Variants in SPNS2 observed in about 807,000 individuals in gnomAD.
SPNS2 encodes the protein SPNS lysolipid transporter 2, sphingosine-1-phosphate, also known as sphingosine-1-phosphate transporter SPNS2.
SPNS2 carries 37 observed loss-of-function variants against 57.6 expected under a neutral mutation model. That is an observed-to-expected ratio of 0.64 (90% confidence interval 0.49 to 0.85). SPNS2 has a LOEUF of 0.85. SPNS2 is among the 40% of genes least tolerant of loss of function. SPNS2 has a pLI of 0.00. For missense variants in SPNS2, 831 were observed against 779.1 expected (o/e 1.07, Z -0.79); for synonymous variants, 440 against 346.9 (o/e 1.27, Z -2.98).
At position 4,536,325 on chromosome 17, in the gene SPNS2, C is replaced by G; in HGVS notation, c.1506C>G (p.Gly502=). 1 of 1,612,200 alleles carries G rather than the reference C, an allele frequency of 6.2e-7. No homozygotes were observed. The highest frequency in any genetic ancestry group is 8.5e-7 in the Non-Finnish European group (1 of 1,179,944). Residue 502 remains glycine, a synonymous_variant, in exon 11 of 13, where the codon GGC becomes GGG. Coordinates refer to ENST00000329078, the MANE Select transcript of SPNS2 (RefSeq NM_001124758.3). ...DSPLWEFLSL[G]YALMLCPFVV... ...CGCTCTGGGAGTTCCTGAGCCTGGG[C>G]TACGCGCTCATGCTCTGCCCTTTCG... is the stretch of plus-strand genomic sequence containing the variant.
Position 4,530,555 on chromosome 17 carries a change from G to A in SPNS2, c.574-77G>A, listed in dbSNP as rs184762740. ...TGGCTCCTGGGCCCTGCAGGGGGAG[G>A]GAGCAAAGTGGGAACAAGGGATGAC... On this transcript the variant is annotated intron_variant, in intron 3 of 12. Coordinates refer to ENST00000329078, the MANE Select transcript of SPNS2 (RefSeq NM_001124758.3). 4,729 of 1,534,044 alleles carry A rather than the reference G, an allele frequency of 3.1e-3. 16 individuals are homozygous for A. Among genetic ancestry groups the A allele is most frequent in the Middle Eastern group, 6.8e-3 (28 of 4,100 alleles).
Position 4,510,857 on chromosome 17 carries a change from A to G in SPNS2, c.371-2390A>G, listed in dbSNP as rs1171196165. ...TGCTGGGCCCTGGAGGACACCAGCA[A>G]ACCACGCAGAAGGCAGCGTGGCAGG... is the stretch of plus-strand genomic sequence containing the variant. On this transcript the variant is annotated intron_variant, in intron 1 of 12. Transcript: ENST00000329078. This position sits in a 1 kb window ranked among gnomAD's most constrained non-coding sequence, Gnocchi z 4.4. Among the ~76,000 whole-genome samples the G allele has an allele frequency of 6.6e-6, 1 of 152,192 alleles. No homozygotes were observed. Among genetic ancestry groups the G allele is most frequent in the African/African-American group, 2.4e-5 (1 of 41,448 alleles).
At position 4,538,928 on chromosome 17, in the gene SPNS2, C is replaced by G. The variant is rs752028920; in HGVS notation, c.*1480C>G. The G allele has an allele frequency of 1.3e-6, 1 of 782,956 alleles. No individual in the cohort carries two copies. Among genetic ancestry groups the G allele is most frequent in the Non-Finnish European group, 2.4e-6 (1 of 419,824 alleles). 48.5% of individuals were successfully genotyped at this position (782,956 alleles called of 1,614,324 possible). On this transcript the variant is annotated 3_prime_UTR_variant, in exon 13 of 13. Transcript: ENST00000329078. ...GTTGCCTCCTCTTCCTTCCGGAAGC[C>G]AAACTGCTCCTTTATTTTTTAGAGC...
chr17:4,522,799 A>T (rs1905172070), intron 2 of SPNS2, among the ~76,000 whole-genome samples: 1 of 152,162 alleles, frequency 6.6e-6, no homozygotes, highest in Admixed American at 6.5e-5. Flanking sequence ...GGTCCACCCT[A>T]CCTTGCTCTG....
Position 4,499,012 on chromosome 17 carries a change from C to A in SPNS2, c.-36C>A, listed in dbSNP as rs1024330354. 8 of 986,202 alleles carry A rather than the reference C, an allele frequency of 8.1e-6. No individual in the cohort carries two copies. The highest frequency in any genetic ancestry group is 9.6e-6 in the Non-Finnish European group (8 of 829,854). 61.1% of individuals were successfully genotyped at this position (986,202 alleles called of 1,614,324 possible). ...GAGCGGGCCCAGCCTGGGCCCCGCG[C>A]CCCCCGCGCCCCCCGCCGCCCCGAT... On this transcript the variant is annotated 5_prime_UTR_variant, in exon 1 of 13. Transcript: ENST00000329078. This position sits in a 1 kb window ranked among gnomAD's most constrained non-coding sequence, Gnocchi z 5.2.
intron 2 of SPNS2, among the ~76,000 whole-genome samples, chr17:4,515,055 A>T (rs1296638829): frequency 1.3e-5 from 2 of 151,588 alleles, no homozygotes; most frequent in African/African-American, 4.8e-5. Context: ...AGGGGGCGGG[A>T]GGTACAGGGA....
At position 4,537,948 on chromosome 17, in the gene SPNS2, C is replaced by T. The variant is rs530593023; in HGVS notation, c.*500C>T. 10 of 379,382 alleles carry T rather than the reference C, an allele frequency of 2.6e-5. No individual in the cohort carries two copies. Among genetic ancestry groups the T allele is most frequent in the Admixed American group, 9.3e-5 (3 of 32,250 alleles). The allele number at this position is 379,382 out of a possible 1,614,324, so 23.5% of individuals were successfully genotyped here. ...GGCAGTCCCGGCTTTGAGGCTCACG[C>T]GAGGGCCTGGTATGCAGGGACCACT... On this transcript the variant is annotated 3_prime_UTR_variant, in exon 13 of 13. Transcript: ENST00000329078.
At position 4,533,441 on chromosome 17, in the gene SPNS2, A is replaced by T; in HGVS notation, c.1278+9A>T. On this transcript the variant is annotated intron_variant, in intron 8 of 12. Coordinates refer to ENST00000329078, the MANE Select transcript of SPNS2 (RefSeq NM_001124758.3). ...GCATCGTAGGAGCCTATGTGAGTGCAGCGGGGGTCAAGGGTGCTGGGGGAG... is the reference window on the plus strand; with the variant it reads ...GCATCGTAGGAGCCTATGTGAGTGCTGCGGGGGTCAAGGGTGCTGGGGGAG... 6.3e-7 allele frequency: 1 copy of T among 1,586,480 alleles called. No homozygotes were observed. Among genetic ancestry groups the T allele is most frequent in the Non-Finnish European group, 8.6e-7 (1 of 1,165,490 alleles).
intron 1 of SPNS2, among the ~76,000 whole-genome samples, chr17:4,509,661 C>G (rs566581635): frequency 2.8e-4 from 43 of 152,340 alleles, no homozygotes; most frequent in Admixed American, 5.2e-4. Context: ...GACTGTTGGC[C>G]CAGAGTAGGG....
intron 12 of SPNS2, 132 bp from the exon 13 acceptor site, chr17:4,537,321 A>T: frequency 2.4e-6 from 1 of 413,410 alleles, no homozygotes; most frequent in Non-Finnish European, 4.6e-6. Context: ...CAGCAGCACG[A>T]GACCCAGGGT....
intron 2 of SPNS2, among the ~76,000 whole-genome samples, chr17:4,516,336 A>AC (rs1904991318): frequency 7.9e-6 from 1 of 126,668 alleles, no homozygotes; most frequent in Non-Finnish European, 1.6e-5. Flanking sequence ...AAAAAAAAAA[A>AC]AAAAAAACAA....
chr17:4,506,126 T>C (rs1324089698), intron 1 of SPNS2, among the ~76,000 whole-genome samples: 1 of 152,100 alleles, frequency 6.6e-6, no homozygotes, highest in Admixed American at 6.5e-5. Flanking sequence ...ACAGGCCAGA[T>C]GTGGGAGCCT....
At chr17:4,536,216 G>GGCTTC (rs1905786945) in intron 10 of SPNS2, 42 bp downstream of exon 10, 1 of 1,608,448 alleles carries the variant, frequency 6.2e-7, no homozygotes, top group Non-Finnish European at 8.5e-7. Flanking sequence ...CAGGCTGGGG[G>GGCTTC]ACTGCAGGAG....
At chr17:4,525,916 G>C (rs769629703) in intron 3 of SPNS2, among the ~76,000 whole-genome samples, 1 of 152,210 alleles carries the variant, frequency 6.6e-6, no homozygotes. Context: ...TGCCTTGTGA[G>C]GTAGTGAGTT....
rs756448895 is a variant in SPNS2 at position 4,536,941 on chromosome 17, G to C, written c.1649G>C (p.Ter550SerextTer38). The C allele has an allele frequency of 6.2e-7, 1 of 1,613,584 alleles. No homozygotes were observed. Among genetic ancestry groups the C allele is most frequent in the East Asian group, 2.2e-5 (1 of 44,864 alleles). The change falls in exon 12 of 13, where the codon TGA becomes TCA. Residue 550 changes from the stop codon to serine, a stop_lost. Transcript: ENST00000329078. ...ATGCCGCCCGCATCTGTGAAAGTCT[G>C]AGGTGGTGAGTGCAGGCCGGGAGGC... The part of the protein sequence containing the change: ...LAMPPASVKV[*>S]
At chr17:4,513,333 T>TCC in intron 2 of SPNS2, 21 bp downstream of exon 2, 1 of 1,610,282 alleles carries the variant, frequency 6.2e-7, no homozygotes. Flanking sequence ...CCTCCCACCT[T>TCC]CCCCCCCACG....
chr17:4,524,837 G>A (rs1302063207), intron 2 of SPNS2, among the ~76,000 whole-genome samples: 3 of 152,240 alleles, frequency 2.0e-5, no homozygotes, highest in Non-Finnish European at 2.9e-5. Context: ...CAAACTGGGC[G>A]AACTGGACAT....
Position 4,512,645 on chromosome 17 carries a change from CGT to C in SPNS2, c.371-600_371-599del, listed in dbSNP as rs1904864282. 3.3e-5 allele frequency among the ~76,000 whole-genome samples: 5 copies of C among 149,874 alleles called. No individual in the cohort carries two copies. Among genetic ancestry groups the C allele is most frequent in the South Asian group, 2.1e-4 (1 of 4,784 alleles). On this transcript the variant is annotated intron_variant, in intron 1 of 12. Coordinates refer to ENST00000329078, the MANE Select transcript of SPNS2 (RefSeq NM_001124758.3). This position sits in a 1 kb window ranked among gnomAD's most constrained non-coding sequence, Gnocchi z 5.2. Reference sequence around the variant, plus strand: ...GCTGGGGTGACAGTGTGTGTGTGTGCGTGCGCGCGCACGGGTATGTGTGTGCG... The same window carrying C: ...GCTGGGGTGACAGTGTGTGTGTGTGCGCGCGCGCACGGGTATGTGTGTGCG...
At chr17:4,507,722 C>T (rs985776062) in intron 1 of SPNS2, among the ~76,000 whole-genome samples, 7 of 152,314 alleles carry the variant, frequency 4.6e-5, no homozygotes, top group Middle Eastern at 3.4e-3. Context: ...GTAGGGTGAA[C>T]GTGGGCTGAT....
Sources: gnomAD v4.1 joint callset for allele counts (sites outside exome capture counted in the v4.1 genomes callset) on GRCh38, gnomAD v4.1.1 for gene constraint, Gnocchi (gnomAD v3.1) non-coding constraint, MANE v1.5 for transcripts, NCBI Gene and HGNC (gene_info 2026-07-23, HGNC 2026-07-21) for gene names.